PDE5A: variants seen among roughly 807,000 people sequenced by gnomAD.
The protein encoded by PDE5A is phosphodiesterase 5A.
Under a neutral mutation model 110.2 loss-of-function variants are expected in PDE5A, and 67 were observed. The observed-to-expected ratio is 0.61, with a 90% CI of 0.50 to 0.75. The LOEUF is 0.75. Among genes scored for constraint, PDE5A ranks in the 30% least tolerant of loss-of-function variants. PDE5A has a pLI of 0.00. For synonymous variants in PDE5A, 328 were observed against 351.2 expected (o/e 0.93, Z 0.74); for missense variants, 862 against 1,045.1 (o/e 0.82, Z 2.42).
rs1306242962 is a variant in PDE5A at position 119,627,428 on chromosome 4, G to A, written c.152+1092C>T. 5.3e-6 allele frequency: 2 copies of A among 379,746 alleles called. No homozygotes were observed. The highest frequency in any genetic ancestry group is 7.2e-6 in the Non-Finnish European group (2 of 276,168). 23.5% of individuals were successfully genotyped at this position (379,746 alleles called of 1,614,324 possible). A position where few individuals can be genotyped will look rare whatever the true frequency, so the allele number is the denominator to read the frequency against. ...GGACCCGGGCGTCGAACCCGGGCGG[G>A]CTCCTCGACCATCACTGCCGGGCGT... On this transcript the variant is annotated intron_variant, in intron 1 of 20. Coordinates refer to ENST00000354960, the MANE Select transcript of PDE5A (RefSeq NM_001083.4). The surrounding 1 kb of genome is among the most constrained non-coding windows in gnomAD (Gnocchi z 4.6).
chr4:119,561,724 T>C (rs995122520), intron 6 of PDE5A, among the ~76,000 whole-genome samples: 1 of 152,144 alleles, frequency 6.6e-6, no homozygotes, highest in Non-Finnish European at 1.5e-5. Flanking sequence ...GATTGAAAAA[T>C]ATGAAATAGT....
chr4:119,587,509 G>GAGTA lies in PDE5A; in HGVS notation c.831+9010_831+9013dup, dbSNP rs1728805311. On this transcript the variant is annotated intron_variant, in intron 3 of 20. Coordinates refer to ENST00000354960, the MANE Select transcript of PDE5A (RefSeq NM_001083.4). ...CGCCATTCTCCTGCCTCAGCCTCCCGAGTAGCTGGGACTACAGGCGCCCGC... is the reference window on the plus strand; with the variant it reads ...CGCCATTCTCCTGCCTCAGCCTCCCGAGTAAGTAGCTGGGACTACAGGCGCCCGC... Among the ~76,000 whole-genome samples, 3 of 151,752 alleles carry GAGTA rather than the reference G, an allele frequency of 2.0e-5. No individual in the cohort carries two copies. The South Asian group carries it at 6.2e-4, about 31-fold the overall frequency.
intron 3 of PDE5A, among the ~76,000 whole-genome samples, chr4:119,573,228 T>C (rs1728202143): frequency 6.6e-6 from 1 of 152,238 alleles, no homozygotes; most frequent in African/African-American, 2.4e-5. Flanking sequence ...ATTTTCTTCT[T>C]GTGCACATGT....
Position 119,628,503 on chromosome 4 carries a change from G to A in PDE5A, c.152+17C>T. 1.3e-6 allele frequency: 2 copies of A among 1,546,004 alleles called. No individual in the cohort carries two copies. The highest frequency in any genetic ancestry group is 1.8e-6 in the Non-Finnish European group (2 of 1,140,144). ...GAGAGAAATCAGCCCCGGGTCTTCC[G>A]TGGGTCCTCTTCTTACCTGGTGGCT... On this transcript the variant is annotated intron_variant, in intron 1 of 20. Transcript: ENST00000354960.
intron 18 of PDE5A, among the ~76,000 whole-genome samples, chr4:119,503,403 G>C (rs151014459): frequency 2.8e-3 from 422 of 152,116 alleles, no homozygotes; most frequent in Middle Eastern, 0.01. Flanking sequence ...CTAGCCTCCT[G>C]GTAACAGGCT....
chr4:119,621,589 A>T (rs900365822), intron 1 of PDE5A, among the ~76,000 whole-genome samples: 1 of 152,222 alleles, frequency 6.6e-6, no homozygotes, highest in Non-Finnish European at 1.5e-5. Flanking sequence ...AAGGAAGGGC[A>T]GGTAAACAGA....
intron 12 of PDE5A, among the ~76,000 whole-genome samples, chr4:119,524,049 G>A (rs1317686329): frequency 6.6e-6 from 1 of 151,926 alleles, no homozygotes; most frequent in African/African-American, 2.4e-5. Context: ...CTAAGAATGG[G>A]ATAACTGACA....
chr4:119,592,457 A>T (rs1449518305), intron 3 of PDE5A, among the ~76,000 whole-genome samples: 5 of 21,922 alleles, frequency 2.3e-4, no homozygotes, highest in Admixed American at 6.8e-4. Context: ...GACTCTGTTT[A>T]AAAAAAAAAA....
intron 3 of PDE5A, among the ~76,000 whole-genome samples, chr4:119,589,488 T>C (rs1301695307): frequency 6.6e-6 from 1 of 152,154 alleles, no homozygotes; most frequent in African/African-American, 2.4e-5. Context: ...AAAAGAATTC[T>C]GTCTGGTTAT....
chr4:119,614,514 T>G (rs2110557530), intron 1 of PDE5A, among the ~76,000 whole-genome samples: 1 of 152,174 alleles, frequency 6.6e-6, no homozygotes, highest in Middle Eastern at 3.4e-3. Context: ...TACTAGTAAG[T>G]TCCAGGCTAT....
chr4:119,610,685 C>A (rs1008968442), intron 1 of PDE5A, among the ~76,000 whole-genome samples: 1 of 152,148 alleles, frequency 6.6e-6, no homozygotes, highest in Non-Finnish European at 1.5e-5. Flanking sequence ...AAACCAAACA[C>A]GTAGGAATTA....
At chr4:119,523,532 G>A (rs1726202351) in intron 12 of PDE5A, among the ~76,000 whole-genome samples, 1 of 151,940 alleles carries the variant, frequency 6.6e-6, no homozygotes, top group Non-Finnish European at 1.5e-5. Flanking sequence ...CAGAATGATG[G>A]CAATGTTCAA....
chr4:119,582,021 T>C (rs993278392), intron 3 of PDE5A, among the ~76,000 whole-genome samples: 2 of 152,184 alleles, frequency 1.3e-5, no homozygotes, highest in Non-Finnish European at 2.9e-5. Context: ...ACGGGGCTGT[T>C]GTGGAAATTT....
chr4:119,603,686 G>A (rs3756156), intron 2 of PDE5A, among the ~76,000 whole-genome samples: 40,209 of 151,790 alleles, frequency 0.26, 5,494 homozygotes, highest in East Asian at 0.39. Context: ...ACTAAATATA[G>A]GTCATTTGTT....
intron 1 of PDE5A, among the ~76,000 whole-genome samples, chr4:119,614,687 A>G (rs1483104625): frequency 6.6e-6 from 1 of 152,210 alleles, no homozygotes. Flanking sequence ...CTCTAAAACC[A>G]TCCCACATAA....
intron 1 of PDE5A, among the ~76,000 whole-genome samples, chr4:119,621,844 C>A (rs1218792303): frequency 6.6e-6 from 1 of 152,168 alleles, no homozygotes; most frequent in Non-Finnish European, 1.5e-5. Flanking sequence ...AAAAGAATGT[C>A]TTTCTTTAAT....
chr4:119,592,055 CAGGAGAATTGCTTGAACCCGGGAGGCAG>C (rs1728984794), intron 3 of PDE5A, among the ~76,000 whole-genome samples: 1 of 145,982 alleles, frequency 6.9e-6, no homozygotes, highest in Non-Finnish European at 1.5e-5. Flanking sequence ...GAGGCTGAGG[CAGGAGAATTGCTTGAACCCGGGAGGCAG>C]AGGTTGCAGT....
chr4:119,565,408 G>C lies in PDE5A; in HGVS notation c.906C>G (p.Asp302Glu). Residue 302 changes from aspartate to glutamate, a missense_variant and splice_region_variant, in exon 5 of 21, where the codon GAC (aspartate) becomes GAG (glutamate). By Grantham distance (45) the Asp-to-Glu change is conservative. Coordinates refer to ENST00000354960, the MANE Select transcript of PDE5A (RefSeq NM_001083.4). ...GGTFTEKDEK[D>E]FAAYLAFCGI... ...CACAAAATGCCAAATAAGCAGCAAA[G>C]TCCTAAAAAACAGATAATAGACAAA... 1 of 1,608,178 alleles carries C rather than the reference G, an allele frequency of 6.2e-7. No homozygotes were observed. Among genetic ancestry groups the C allele is most frequent in the South Asian group, 1.1e-5 (1 of 90,840 alleles).
intron 14 of PDE5A, among the ~76,000 whole-genome samples, chr4:119,515,196 C>T (rs1449038281): frequency 6.6e-6 from 1 of 152,170 alleles, no homozygotes; most frequent in Non-Finnish European, 1.5e-5. Flanking sequence ...GATCTCCAAC[C>T]TGACCAGAGA....
Sources: allele counts gnomAD v4.1 joint callset (sites outside exome capture counted in the v4.1 genomes callset), GRCh38; gene constraint gnomAD v4.1.1; non-coding constraint Gnocchi (gnomAD v3.1); transcripts MANE v1.5; gene names NCBI Gene and HGNC (gene_info 2026-07-23, HGNC 2026-07-21).